The following CLIP1 variants were observed in gnomAD, a reference collection of about 807,000 sequenced individuals.
CLIP1 encodes CAP-Gly domain containing linker protein 1, also known as CAP-Gly domain-containing linker protein 1.
In CLIP1, 66 loss-of-function variants were observed where a neutral mutation model predicts 161.6. The observed-to-expected ratio is 0.41, with a 90% CI of 0.33 to 0.50. The LOEUF (loss-of-function observed/expected upper bound fraction) is 0.50, where lower values mean the gene tolerates loss of function less well. Among genes scored for constraint, CLIP1 ranks in the 20% least tolerant of loss-of-function variants. CLIP1 has a pLI of 0.27. For synonymous variants in CLIP1, 598 were observed against 626.2 expected, an observed-to-expected ratio of 0.96 and a Z score of 0.67; for missense variants, 1,376 against 1,702.0, an observed-to-expected ratio of 0.81 and a Z score of 3.37.
intron 4 of CLIP1, 143 bp from the exon 5 acceptor site, chr12:122,361,324 T>A: frequency 1.5e-6 from 1 of 663,170 alleles, no homozygotes. Flanking sequence ...CACCAGCACG[T>A]AGCAGTCACA....
At chr12:122,417,723 A>C (rs1184952252) in intron 1 of CLIP1, among the ~76,000 whole-genome samples, 5 of 152,058 alleles carry the variant, frequency 3.3e-5, no homozygotes, top group Non-Finnish European at 7.4e-5. Context: ...TGCGTTAGCC[A>C]GGATGGTCTC....
At chr12:122,393,868 G>A (rs1000113787) in intron 1 of CLIP1, among the ~76,000 whole-genome samples, 3 of 122,212 alleles carry the variant, frequency 2.5e-5, no homozygotes, top group Non-Finnish European at 4.8e-5. Flanking sequence ...GCTGAGATCA[G>A]ACCACTGCAC....
At position 122,278,859 on chromosome 12, in the gene CLIP1, G is replaced by A. The variant is rs142499667; in HGVS notation, c.3849C>T (p.Leu1283=). ...VQTLESDKVK[L]ELKVKNLELQ... ...GCTCCAAGTTCTTTACCTTGAGCTCGAGCTTCACCTTATCAGACTCTAGAG... is the reference window on the plus strand; with the variant it reads ...GCTCCAAGTTCTTTACCTTGAGCTCAAGCTTCACCTTATCAGACTCTAGAG... Residue 1283 remains leucine (L), a synonymous_variant, in exon 23 of 26, where the codon CTC becomes CTT. Coordinates refer to ENST00000620786, the MANE Select transcript of CLIP1 (RefSeq NM_001247997.2). The A allele has an allele frequency of 1.2e-6, 2 of 1,612,580 alleles. No individual in the cohort carries two copies. Among genetic ancestry groups the A allele is most frequent in the East Asian group, 2.2e-5 (1 of 44,840 alleles).
intron 1 of CLIP1, among the ~76,000 whole-genome samples, chr12:122,406,768 T>G (rs899585883): frequency 6.6e-6 from 1 of 151,994 alleles, no homozygotes; most frequent in Admixed American, 6.6e-5. Context: ...AGGGAGAAGG[T>G]TGGGGCATAA....
At chr12:122,320,350 C>T (rs1252884602) in intron 17 of CLIP1, among the ~76,000 whole-genome samples, 1 of 151,960 alleles carries the variant, frequency 6.6e-6, no homozygotes, top group African/African-American at 2.4e-5. Context: ...TGCCTACAGT[C>T]CCAGCTACTC....
chr12:122,291,988 CCATT>C (rs575565438), intron 20 of CLIP1, among the ~76,000 whole-genome samples: 1 of 151,906 alleles, frequency 6.6e-6, no homozygotes, highest in South Asian at 2.1e-4. Context: ...CTTTCATTTT[CCATT>C]CATTCATTCA....
chr12:122,396,916 A>C (rs1955930561), intron 1 of CLIP1, among the ~76,000 whole-genome samples: 1 of 142,272 alleles, frequency 7.0e-6, no homozygotes. Flanking sequence ...ACAGGCAGAC[A>C]CCACCACACC....
At chr12:122,291,864 G>A (rs1950262901) in intron 20 of CLIP1, among the ~76,000 whole-genome samples, 1 of 152,186 alleles carries the variant, frequency 6.6e-6, no homozygotes, top group Admixed American at 6.5e-5. Context: ...TTTTAGCACA[G>A]ATTGATGATT....
chr12:122,335,514 A>G (rs1171934210), intron 12 of CLIP1, among the ~76,000 whole-genome samples: 1 of 151,968 alleles, frequency 6.6e-6, no homozygotes, highest in Non-Finnish European at 1.5e-5. Flanking sequence ...ACATTTTCTT[A>G]AAGGACACCA....
chr12:122,365,488 T>A, intron 3 of CLIP1: 1 of 796,872 alleles, frequency 1.3e-6, no homozygotes, highest in East Asian at 2.4e-5. Context: ...AGGAAAATGA[T>A]CAGAAAAAGA....
chr12:122,353,654 G>T (rs1228943935), intron 7 of CLIP1, among the ~76,000 whole-genome samples: 5 of 150,348 alleles, frequency 3.3e-5, no homozygotes, highest in Non-Finnish European at 7.4e-5. Flanking sequence ...TTTTTGAGAC[G>T]GAGTCTTGCT....
chr12:122,319,416 C>T, intron 17 of CLIP1, 68 bp from the exon 18 acceptor site: 1 of 1,203,544 alleles, frequency 8.3e-7, no homozygotes, highest in Non-Finnish European at 1.2e-6. Flanking sequence ...GAGGATCGGG[C>T]TGTGCTGTTC....
intron 18 of CLIP1, among the ~76,000 whole-genome samples, chr12:122,318,923 A>G (rs1473631774): frequency 6.6e-6 from 1 of 152,202 alleles, no homozygotes; most frequent in Non-Finnish European, 1.5e-5. Flanking sequence ...AAGAGAAAAA[A>G]CAATGTGTGT....
At chr12:122,287,187 A>T (rs1182926564) in intron 21 of CLIP1, among the ~76,000 whole-genome samples, 1 of 152,112 alleles carries the variant, frequency 6.6e-6, no homozygotes, top group African/African-American at 2.4e-5. Context: ...AAAATAAATT[A>T]AAAAAAGAAA....
chr12:122,288,558 A>G lies in CLIP1; in HGVS notation c.3595-17T>C. On this transcript the variant is annotated splice_polypyrimidine_tract_variant and intron_variant, in intron 20 of 25. Transcript: ENST00000620786. ...TTCTTCCAGCTAGGAAAAAAACACA[A>G]AAAACTTCAGTTCATAACCAGGCCA... is the stretch of plus-strand genomic sequence containing the variant. The G allele has an allele frequency of 1.2e-6, 2 of 1,603,502 alleles. No homozygotes were observed.
At chr12:122,420,841 A>C (rs567873952) in intron 1 of CLIP1, among the ~76,000 whole-genome samples, 1 of 151,912 alleles carries the variant, frequency 6.6e-6, no homozygotes, top group African/African-American at 2.4e-5. Context: ...AGGCTGAGGC[A>C]CGAGAATCGC....
chr12:122,342,615 G>A (rs1358967622), intron 10 of CLIP1: 3 of 152,166 alleles, frequency 2.0e-5, no homozygotes, highest in Non-Finnish European at 4.4e-5. Flanking sequence ...AGGATCACTT[G>A]AGGCCAGGAG....
At chr12:122,380,187 G>A (rs1356594497) in intron 2 of CLIP1, among the ~76,000 whole-genome samples, 181 bp downstream of exon 2, 1 of 151,112 alleles carries the variant, frequency 6.6e-6, no homozygotes, top group Non-Finnish European at 1.5e-5. Flanking sequence ...AGCCTGCAGT[G>A]AGCCAAGATT....
At chr12:122,353,548 C>T (rs1953156670) in intron 7 of CLIP1, among the ~76,000 whole-genome samples, 1 of 152,078 alleles carries the variant, frequency 6.6e-6, no homozygotes, top group African/African-American at 2.4e-5. Flanking sequence ...AGGGATGTCA[C>T]AGCTGCAGTG....
Sources: allele counts gnomAD v4.1 joint callset (sites outside exome capture counted in the v4.1 genomes callset), GRCh38; gene constraint gnomAD v4.1.1; transcripts MANE v1.5; gene names NCBI Gene and HGNC (gene_info 2026-07-23, HGNC 2026-07-21).